Variants in PANK4 observed in about 807,000 individuals in gnomAD.
The protein encoded by PANK4 is pantothenate kinase 4 (inactive).
Under a neutral mutation model 87.9 loss-of-function variants are expected in PANK4, and 40 were observed. The observed-to-expected ratio is 0.46, with a 90% CI of 0.35 to 0.59. The LOEUF (loss-of-function observed/expected upper bound fraction) is 0.59. Ranked by LOEUF, PANK4 falls within the 20% of genes least tolerant of loss-of-function variation. The pLI is 0.00. For synonymous variants in PANK4, 524 were observed against 467.4 expected (o/e 1.12, Z -1.56); for missense variants, 926 against 1,072.3 (o/e 0.86, Z 1.90).
chr1:2,510,303 C>T lies in PANK4; in HGVS notation c.1939-146G>A. 6 of 651,816 alleles carry T rather than the reference C, an allele frequency of 9.2e-6. No homozygotes were observed. The South Asian group carries it at 1.0e-4, about 11-fold the overall frequency. 40.4% of individuals were successfully genotyped at this position (651,816 alleles called of 1,614,324 possible). A position where few individuals can be genotyped will look rare whatever the true frequency, so the allele number is the denominator to read the frequency against. On this transcript the variant is annotated intron_variant, in intron 16 of 18. Transcript: ENST00000378466. The surrounding 1 kb of genome is among the most constrained non-coding windows in gnomAD (Gnocchi z 4.9). The stretch of plus-strand genomic sequence containing the variant: ...GCCACCTGCTGCTGAGGAGCAGGGA[C>T]CTCGCCTGACCTTGCCACTCTGTGG...
At chr1:2,523,208 G>A (rs1415081526) in intron 1 of PANK4, among the ~76,000 whole-genome samples, 1 of 152,182 alleles carries the variant, frequency 6.6e-6, no homozygotes, top group Admixed American at 6.5e-5. Flanking sequence ...CCGTGTCCAG[G>A]CCCCACAACA....
At chr1:2,521,406 G>C in intron 2 of PANK4, 91 bp from the exon 3 acceptor site, 1 of 1,059,854 alleles carries the variant, frequency 9.4e-7, no homozygotes. Context: ...CTGGCTGTTC[G>C]CGCCAGCCTT....
intron 1 of PANK4, 77 bp from the exon 2 acceptor site, chr1:2,521,877 C>CCAGGACACCCAGAGAGTG: frequency 9.1e-7 from 1 of 1,100,154 alleles, no homozygotes; most frequent in Non-Finnish European, 1.4e-6. Context: ...CCCACACTCT[C>CCAGGACACCCAGAGAGTG]TGGGTGTCCT....
At chr1:2,516,018 C>T (rs1436899965) in intron 9 of PANK4, 2 of 491,722 alleles carry the variant, frequency 4.1e-6, no homozygotes, top group East Asian at 7.4e-5. Flanking sequence ...GTCACCCTCC[C>T]ATCACCCCTC....
Position 2,518,278 on chromosome 1 carries a change from A to C in PANK4, c.1118-14T>G, listed in dbSNP as rs773199912. 18 of 1,586,328 alleles carry C rather than the reference A, an allele frequency of 1.1e-5. No homozygotes were observed. Among genetic ancestry groups the C allele is most frequent in the Non-Finnish European group, 1.4e-5 (16 of 1,157,872 alleles). On this transcript the variant is annotated splice_polypyrimidine_tract_variant and intron_variant, in intron 8 of 18. Coordinates refer to ENST00000378466, the MANE Select transcript of PANK4 (RefSeq NM_018216.4). ...ACTGGTTAGGATCTGGAAAGCAAGAAGCCAGGTCACTTGTGTTAACCTTGC... is the reference window on the plus strand; with the variant it reads ...ACTGGTTAGGATCTGGAAAGCAAGACGCCAGGTCACTTGTGTTAACCTTGC...
intron 9 of PANK4, 65 bp downstream of exon 9, chr1:2,518,099 A>C (rs1250989855): frequency 2.1e-6 from 2 of 952,822 alleles, no homozygotes; most frequent in Admixed American, 2.4e-5. Flanking sequence ...GCTCAGGGAC[A>C]GGCGAGGTGA....
intron 12 of PANK4, among the ~76,000 whole-genome samples, 177 bp downstream of exon 12, chr1:2,513,825 T>C (rs901994555): frequency 6.6e-6 from 1 of 152,220 alleles, no homozygotes; most frequent in East Asian, 1.9e-4. Flanking sequence ...CCTCAGCAGA[T>C]GCTGCCAACA....
intron 7 of PANK4, 129 bp from the exon 8 acceptor site, chr1:2,518,726 C>T (rs371607709): frequency 2.2e-4 from 166 of 753,390 alleles, no homozygotes; most frequent in African/African-American, 2.1e-3. Context: ...ATGGCACCCA[C>T]GGCATACTTG....
chr1:2,522,053 T>C, intron 1 of PANK4: 1 of 535,186 alleles, frequency 1.9e-6, no homozygotes, highest in Non-Finnish European at 3.4e-6. Context: ...GAGGTCCCGC[T>C]TCCCCTTGGC....
intron 1 of PANK4, 141 bp from the exon 2 acceptor site, chr1:2,521,941 C>T: frequency 3.0e-6 from 2 of 670,466 alleles, no homozygotes; most frequent in Non-Finnish European, 2.7e-6. Context: ...ACTTAAAAAC[C>T]CTGTGGGCAC....
Position 2,515,193 on chromosome 1 carries a change from G to A in PANK4, c.1374+369C>T. On this transcript the variant is annotated intron_variant, in intron 10 of 18. Transcript: ENST00000378466. This position sits in a 1 kb window ranked among gnomAD's most constrained non-coding sequence, Gnocchi z 5.0. Reference sequence around the variant, plus strand: ...AAGGTGGCCTCGCCGGGAGCTTGCTGGGGCTGAGTCTCACCCCACCCCCAG... The same window carrying A: ...AAGGTGGCCTCGCCGGGAGCTTGCTAGGGCTGAGTCTCACCCCACCCCCAG... 2.4e-6 allele frequency: 1 copy of A among 422,198 alleles called. No individual in the cohort carries two copies. Among genetic ancestry groups the A allele is most frequent in the South Asian group, 1.8e-5 (1 of 54,768 alleles). The allele number at this position is 422,198 out of a possible 1,614,324, so 26.2% of individuals were successfully genotyped here.
In PANK4 at chr1:2,514,233, A is replaced by G. The variant is rs1188038964; in HGVS notation, c.1487+121T>C. On this transcript the variant is annotated intron_variant, in intron 11 of 18. Transcript: ENST00000378466. Reference sequence around the variant, plus strand: ...CGGGGTCCAAGGGGGCTGTGCCGCCAGGGCCCACACCCACCCCCAGCGAGC... The same window carrying G: ...CGGGGTCCAAGGGGGCTGTGCCGCCGGGGCCCACACCCACCCCCAGCGAGC... The G allele has an allele frequency of 6.3e-6, 7 of 1,107,950 alleles. No homozygotes were observed. The East Asian group carries it at 1.7e-4, about 26-fold the overall frequency. The allele number at this position is 1,107,950 out of a possible 1,614,324, so 68.6% of individuals were successfully genotyped here.
intron 9 of PANK4, among the ~76,000 whole-genome samples, chr1:2,517,939 G>C (rs1643812362): frequency 6.6e-6 from 1 of 152,210 alleles, no homozygotes; most frequent in East Asian, 1.9e-4. Flanking sequence ...AATTCCTGCT[G>C]AATGTTTCCA....
intron 12 of PANK4, 128 bp downstream of exon 12, chr1:2,513,874 G>A (rs913203881): frequency 5.3e-6 from 4 of 753,634 alleles, no homozygotes; most frequent in African/African-American, 5.1e-5. Flanking sequence ...TGGAGTTGGG[G>A]CCGCTACCAA....
chr1:2,518,713 G>T, intron 7 of PANK4, 116 bp from the exon 8 acceptor site: 1 of 827,306 alleles, frequency 1.2e-6, no homozygotes, highest in Non-Finnish European at 2.0e-6. Flanking sequence ...TCGAAGAGGC[G>T]CCATGGCACC....
At chr1:2,513,887 C>A (rs925869874) in intron 12 of PANK4, 115 bp downstream of exon 12, 2 of 807,436 alleles carry the variant, frequency 2.5e-6, no homozygotes, top group East Asian at 2.5e-5. Context: ...GCTACCAAAC[C>A]TGCATGGCCT....
intron 1 of PANK4, 23 bp from the exon 2 acceptor site, chr1:2,521,823 G>A: frequency 8.1e-6 from 13 of 1,600,200 alleles, no homozygotes; most frequent in Non-Finnish European, 1.1e-5. Context: ...CACAAACCGG[G>A]CAGGATTCAG....
rs567673312 is a variant in PANK4, at chr1:2,522,974, G to A, written c.125-1174C>T. Among the ~76,000 whole-genome samples, 202 of 152,236 alleles carry A rather than the reference G, an allele frequency of 1.3e-3. 1 individual carries two copies. Among genetic ancestry groups the A allele is most frequent in the Non-Finnish European group, 2.5e-3 (167 of 67,926 alleles). On this transcript the variant is annotated intron_variant, in intron 1 of 18. Transcript: ENST00000378466. ...GTGGTGTTATAGTGACTTAACGGAGGGCACTGGATGGTGCTATAGTGACTT... is the reference window on the plus strand; with the variant it reads ...GTGGTGTTATAGTGACTTAACGGAGAGCACTGGATGGTGCTATAGTGACTT...
rs1161434062 is a variant in PANK4, at chr1:2,520,626, C to T, written c.606+97G>A. 8.0e-7 allele frequency: 1 copy of T among 1,250,316 alleles called. No individual in the cohort carries two copies. The highest frequency in any genetic ancestry group is 1.5e-5 in the African/African-American group (1 of 66,884). 77.5% of individuals were successfully genotyped at this position (1,250,316 alleles called of 1,614,324 possible). Reference sequence around the variant, plus strand: ...GCCACCCCCCTCCCGCCCACTGGGCCCCATCCATGTGCCCAGCCCTGGCTC... The same window carrying T: ...GCCACCCCCCTCCCGCCCACTGGGCTCCATCCATGTGCCCAGCCCTGGCTC... On this transcript the variant is annotated intron_variant, in intron 4 of 18. Coordinates refer to ENST00000378466, the MANE Select transcript of PANK4 (RefSeq NM_018216.4). This position sits in a 1 kb window ranked among gnomAD's most constrained non-coding sequence, Gnocchi z 6.2.
Sources: gnomAD v4.1 joint callset for allele counts (sites outside exome capture counted in the v4.1 genomes callset) on GRCh38, gnomAD v4.1.1 for gene constraint, Gnocchi (gnomAD v3.1) non-coding constraint, MANE v1.5 for transcripts, NCBI Gene and HGNC (gene_info 2026-07-23, HGNC 2026-07-21) for gene names.